Variants in CEP97 observed in about 807,000 individuals in gnomAD.
CEP97 encodes the protein centrosomal protein of 97 kDa.
Under a neutral mutation model 73.1 loss-of-function variants are expected in CEP97, and 43 were observed. The ratio of observed to expected loss-of-function variants is 0.59; its 90% CI spans 0.46 to 0.76. The LOEUF is 0.76. CEP97 is among the 30% of genes least tolerant of loss of function. The pLI is 0.00. For synonymous variants in CEP97, 337 were observed against 370.0 expected (o/e 0.91, Z 1.02); for missense variants, 939 against 1,014.0 (o/e 0.93, Z 1.00).
Position 101,765,362 on chromosome 3 carries a change from T to C in CEP97, c.2409T>C (p.Ala803=), listed in dbSNP as rs1156891880. ...CAAGAGATAGCAAACTTCACATTGC[T>C]TGTTTCCCAGTACAGTTAGATACAT... The part of the protein sequence containing the change: ...TETRDSKLHI[A]CFPVQLDTLS... The change falls in exon 11 of 11, where the codon GCT becomes GCC. Residue 803 remains alanine (A), a synonymous_variant. Coordinates refer to ENST00000341893, the MANE Select transcript of CEP97 (RefSeq NM_024548.4). 2 of 1,614,200 alleles carry C rather than the reference T, an allele frequency of 1.2e-6. No homozygotes were observed. Among genetic ancestry groups the C allele is most frequent in the African/African-American group, 1.3e-5 (1 of 75,076 alleles).
intron 6 of CEP97, among the ~76,000 whole-genome samples, chr3:101,741,898 C>T (rs1576684266): frequency 1.3e-5 from 2 of 151,894 alleles, no homozygotes; most frequent in African/African-American, 2.4e-5. Flanking sequence ...AAAAATTAGC[C>T]AGGTGTGGTG....
chr3:101,731,860 C>T lies in CEP97; in HGVS notation c.468C>T (p.Asn156=). 1.9e-6 allele frequency: 3 copies of T among 1,600,166 alleles called. No individual in the cohort carries two copies. Among genetic ancestry groups the T allele is most frequent in the Non-Finnish European group, 2.6e-6 (3 of 1,168,338 alleles). The change falls in exon 5 of 11, where the codon AAC becomes AAT. Residue 156 remains asparagine, a synonymous_variant. Transcript: ENST00000341893. ...VSLKTLLLHG[N]IITSLRMAPA... is the part of the protein sequence containing the mutation. Reference sequence around the variant, plus strand: ...TCAAGACCCTGCTTTTACATGGAAACATCATCACCTCTCTTAGAATGGCAC... The same window carrying T: ...TCAAGACCCTGCTTTTACATGGAAATATCATCACCTCTCTTAGAATGGCAC...
intron 1 of CEP97, among the ~76,000 whole-genome samples, chr3:101,725,225 C>T (rs1937840456): frequency 1.3e-5 from 2 of 152,312 alleles, no homozygotes; most frequent in South Asian, 4.1e-4. Context: ...GATCCAGAGC[C>T]CGCAGTTCTG....
chr3:101,743,121 C>T (rs761014510), intron 6 of CEP97, among the ~76,000 whole-genome samples: 14 of 151,656 alleles, frequency 9.2e-5, no homozygotes, highest in Non-Finnish European at 1.6e-4. Flanking sequence ...TGGTGTGTGC[C>T]TGTAGTCCCA....
In CEP97 at chr3:101,755,288, T is replaced by A. The variant is rs1049210156; in HGVS notation, c.729-142T>A. 91 of 726,044 alleles carry A rather than the reference T, an allele frequency of 1.3e-4. 1 individual carries two copies. In the South Asian group the frequency reaches 1.5e-3, roughly 12 times the overall value. 45.0% of individuals were successfully genotyped at this position (726,044 alleles called of 1,614,324 possible). A position where few individuals can be genotyped will look rare whatever the true frequency, so the allele number is the denominator to read the frequency against. On this transcript the variant is annotated intron_variant, in intron 6 of 10. Coordinates refer to ENST00000341893, the MANE Select transcript of CEP97 (RefSeq NM_024548.4). The stretch of plus-strand genomic sequence containing the variant: ...ATATGAGTCAGAATGATAGATTTTT[T>A]AAAAAAATTGAGTGAATTTTATTTA...
chr3:101,758,064 G>A lies in CEP97; in HGVS notation c.1458G>A (p.Glu486=), dbSNP rs777313071. Reference sequence around the variant, plus strand: ...AAGCTGGACTATTACCTTGTCCTGAGCCAACAATAATCAGTGCTATCTTGA... The same window carrying A: ...AAGCTGGACTATTACCTTGTCCTGAACCAACAATAATCAGTGCTATCTTGA... ...NEKAGLLPCP[E]PTIISAILKD... The change falls in exon 9 of 11, where the codon GAG becomes GAA. Residue 486 remains glutamate, a synonymous_variant. Coordinates refer to ENST00000341893, the MANE Select transcript of CEP97 (RefSeq NM_024548.4). 189 of 1,614,080 alleles carry A rather than the reference G, an allele frequency of 1.2e-4. No homozygotes were observed. Among genetic ancestry groups the A allele is most frequent in the Non-Finnish European group, 1.6e-4 (183 of 1,180,042 alleles).
rs1359906724 is a variant in CEP97 at position 101,767,967 on chromosome 3, C to T, written c.*2416C>T. The T allele has an allele frequency of 6.6e-6, 1 of 152,060 alleles. No individual in the cohort carries two copies. Among genetic ancestry groups the T allele is most frequent in the Non-Finnish European group, 1.5e-5 (1 of 67,996 alleles). The allele number at this position is 152,060 out of a possible 1,614,324, so 9.4% of individuals were successfully genotyped here. On this transcript the variant is annotated 3_prime_UTR_variant, in exon 11 of 11. Transcript: ENST00000341893. ...TTTGGTTTTAACTCTATGGGCTATT[C>T]TTTGGTTGGCTGAAGAGGGAATGGG...
chr3:101,754,503 G>A (rs1576695300), intron 6 of CEP97, among the ~76,000 whole-genome samples: 1 of 152,132 alleles, frequency 6.6e-6, no homozygotes, highest in African/African-American at 2.4e-5. Context: ...TCTGTTTAGT[G>A]TCTTAAAGCA....
chr3:101,764,938 C>CAA lies in CEP97; in HGVS notation c.1986_1987insAA (p.Ser663AsnfsTer27). Reference sequence around the variant, plus strand: ...CCTCCTATATCAAGTACTCTTGTGCCATCGAAACATCCATTATTTACCCAA... The same window carrying CAA: ...CCTCCTATATCAAGTACTCTTGTGCCAAATCGAAACATCCATTATTTACCCAA... On this transcript the variant is annotated frameshift_variant, in exon 11 of 11. Transcript: ENST00000341893. LOFTEE classifies it low-confidence loss of function (END_TRUNC). The CAA allele has an allele frequency of 6.2e-7, 1 of 1,614,174 alleles. No individual in the cohort carries two copies. Among genetic ancestry groups the CAA allele is most frequent in the Non-Finnish European group, 8.5e-7 (1 of 1,180,032 alleles).
At chr3:101,725,488 T>C (rs1189008310) in intron 1 of CEP97, among the ~76,000 whole-genome samples, 1 of 152,190 alleles carries the variant, frequency 6.6e-6, no homozygotes, top group Non-Finnish European at 1.5e-5. Flanking sequence ...CTGTAAATTC[T>C]TGGGGGAAGA....
intron 6 of CEP97, among the ~76,000 whole-genome samples, chr3:101,753,467 TA>T (rs1465636216): frequency 3.3e-5 from 5 of 152,228 alleles, no homozygotes; most frequent in Non-Finnish European, 5.9e-5. Flanking sequence ...CTGCAGAGGT[TA>T]CTGCTGTCTT....
chr3:101,726,606 A>T lies in CEP97; in HGVS notation c.56A>T (p.Asn19Ile). The T allele has an allele frequency of 1.3e-6, 2 of 1,587,124 alleles. No homozygotes were observed. Among genetic ancestry groups the T allele is most frequent in the Non-Finnish European group, 1.7e-6 (2 of 1,171,192 alleles). Residue 19 changes from asparagine to isoleucine, a missense_variant, in exon 2 of 11, where the codon AAT (asparagine) becomes ATT (isoleucine). Asn to Ile is a moderately radical substitution (Grantham distance 149). Coordinates refer to ENST00000341893, the MANE Select transcript of CEP97 (RefSeq NM_024548.4). ...ALPPGEGSVV[N>I]WSGQGLQKLG... ...GTTTCTTTTCAAGGATCAGTGGTCA[A>T]TTGGTCAGGACAGGGACTACAGAAA...
chr3:101,728,186 TG>T (rs1406615743), intron 3 of CEP97, among the ~76,000 whole-genome samples: 1 of 152,120 alleles, frequency 6.6e-6, no homozygotes, highest in Non-Finnish European at 1.5e-5. Context: ...AAATCCAGGC[TG>T]TTTGGTTTTA....
intron 6 of CEP97, among the ~76,000 whole-genome samples, chr3:101,743,563 T>G (rs2107156071): frequency 6.6e-6 from 1 of 152,208 alleles, no homozygotes; most frequent in Non-Finnish European, 1.5e-5. Context: ...GCCCAGCTCA[T>G]TTTTAAATTT....
At chr3:101,729,017 C>A in intron 4 of CEP97, 80 bp downstream of exon 4, 1 of 821,930 alleles carries the variant, frequency 1.2e-6, no homozygotes, top group Non-Finnish European at 2.1e-6. Context: ...CTAAAATTAG[C>A]CTGCTTTGTA....
At position 101,765,394 on chromosome 3, in the gene CEP97, A is replaced by G. The variant is rs1939290044; in HGVS notation, c.2441A>G (p.Asp814Gly). ...CFPVQLDTLS[D>G]GASVDESHGI... ...CCAGTACAGTTAGATACATTGTCTG[A>G]CGGTGCTTCTGTAGATGAGAGTCAT... The change falls in exon 11 of 11, where the codon GAC (aspartate) becomes GGC (glycine). Residue 814 changes from aspartate (D) to glycine (G), a missense_variant. Coordinates refer to ENST00000341893, the MANE Select transcript of CEP97 (RefSeq NM_024548.4). 3 of 1,614,182 alleles carry G rather than the reference A, an allele frequency of 1.9e-6. No individual in the cohort carries two copies. Among genetic ancestry groups the G allele is most frequent in the Non-Finnish European group, 2.5e-6 (3 of 1,180,030 alleles).
chr3:101,739,836 C>T (rs1430173650), intron 6 of CEP97, among the ~76,000 whole-genome samples: 1 of 151,092 alleles, frequency 6.6e-6, no homozygotes, highest in Non-Finnish European at 1.5e-5. Context: ...ACCCGGGAGG[C>T]GTAGTTTGCA....
At chr3:101,751,084 A>G (rs928144737) in intron 6 of CEP97, among the ~76,000 whole-genome samples, 3 of 152,132 alleles carry the variant, frequency 2.0e-5, no homozygotes, top group Non-Finnish European at 4.4e-5. Context: ...ACTGCTTTGA[A>G]TGTGTGCCAG....
intron 6 of CEP97, among the ~76,000 whole-genome samples, chr3:101,748,459 A>G (rs937438440): frequency 1.3e-5 from 2 of 152,128 alleles, no homozygotes; most frequent in Non-Finnish European, 2.9e-5. Flanking sequence ...ATCATCTCTA[A>G]CTTAGAAATA....
Sources: allele counts gnomAD v4.1 joint callset (sites outside exome capture counted in the v4.1 genomes callset), GRCh38; gene constraint gnomAD v4.1.1; transcripts MANE v1.5; gene names NCBI Gene and HGNC (gene_info 2026-07-23, HGNC 2026-07-21).